Variants in SRPK2 observed in about 807,000 individuals in gnomAD.
SRPK2 encodes the protein SFRS protein kinase 2.
SRPK2 carries 21 observed loss-of-function variants against 90.8 expected under a neutral mutation model. That is an observed-to-expected ratio of 0.23 (90% CI 0.16 to 0.33). SRPK2 has a LOEUF of 0.33. Ranked by LOEUF, SRPK2 falls within the 10% of genes least tolerant of loss-of-function variation. The pLI is 1.00. For synonymous variants in SRPK2, 288 were observed against 311.1 expected (o/e 0.93, Z 0.78); for missense variants, 620 against 869.0 (o/e 0.71, Z 3.60).
intron 2 of SRPK2, among the ~76,000 whole-genome samples, chr7:105,387,653 T>C (rs1305944653): frequency 6.6e-6 from 1 of 152,212 alleles, no homozygotes. Flanking sequence ...TTCTGGATTT[T>C]ATTAAAGATA....
rs1233474434 is a variant in SRPK2 at position 105,146,497 on chromosome 7, A to C, written c.783T>G (p.Ser261=). 2 of 1,614,010 alleles carry C rather than the reference A, an allele frequency of 1.2e-6. No homozygotes were observed. Among genetic ancestry groups the C allele is most frequent in the African/African-American group, 2.7e-5 (2 of 74,948 alleles). ...AAGCTGGCTCAGCTCCCTCACCTGCAGACCCTGAAGGAGGAGGAGCACCTG... is the reference window on the plus strand; with the variant it reads ...AAGCTGGCTCAGCTCCCTCACCTGCCGACCCTGAAGGAGGAGGAGCACCTG... The part of the protein sequence containing the change: ...QKAGAPPPSG[S]AVSTAPQQKP... The change falls in exon 8 of 16, where the codon TCT becomes TCG. Residue 261 remains serine (S), a synonymous_variant. Transcript: ENST00000393651.
chr7:105,395,674 G>A (rs574783097), intron 1 of SRPK2, among the ~76,000 whole-genome samples: 1 of 152,082 alleles, frequency 6.6e-6, no homozygotes, highest in Admixed American at 6.6e-5. Context: ...AAGTTGCAGT[G>A]AGCCGAGATT....
intron 2 of SRPK2, among the ~76,000 whole-genome samples, chr7:105,248,553 T>G (rs1802035815): frequency 1.3e-5 from 2 of 151,738 alleles, no homozygotes; most frequent in African/African-American, 4.8e-5. Context: ...CAGTGAGCTA[T>G]GATCATACCA....
rs147430576 is a variant in SRPK2 at position 105,147,323 on chromosome 7, G to T, written c.622-665C>A. On this transcript the variant is annotated intron_variant, in intron 7 of 15. Transcript: ENST00000393651. Reference sequence around the variant, plus strand: ...ACTATTTATTTTTTAAATTTTTTATGTATTTATTTTTTGAGACAGAGTCTC... The same window carrying T: ...ACTATTTATTTTTTAAATTTTTTATTTATTTATTTTTTGAGACAGAGTCTC... Among the ~76,000 whole-genome samples, 468 of 152,064 alleles carry T rather than the reference G, an allele frequency of 3.1e-3. 14 individuals are homozygous for T. In the East Asian group the frequency reaches 0.062, roughly 20 times the overall value.
intron 2 of SRPK2, chr7:105,301,608 T>A: frequency 1.2e-6 from 2 of 1,607,640 alleles, no homozygotes; most frequent in African/African-American, 1.3e-5. Flanking sequence ...TAAGTTCAGT[T>A]TCTTTTCAAT....
chr7:105,351,330 T>G (rs1387455687), intron 2 of SRPK2, among the ~76,000 whole-genome samples: 1 of 151,878 alleles, frequency 6.6e-6, no homozygotes, highest in Non-Finnish European at 1.5e-5. Flanking sequence ...AATAAATTCC[T>G]TTTCTTTATA....
intron 14 of SRPK2, 47 bp downstream of exon 14, chr7:105,126,946 C>G (rs1490020668): frequency 2.5e-5 from 40 of 1,587,274 alleles, no homozygotes; most frequent in Non-Finnish European, 3.4e-5. Flanking sequence ...AAGTTCAGGG[C>G]TGGCAGAAGA....
chr7:105,374,698 C>T (rs971842226), intron 2 of SRPK2, among the ~76,000 whole-genome samples: 7 of 152,100 alleles, frequency 4.6e-5, no homozygotes, highest in African/African-American at 1.2e-4. Context: ...CTCCACCTCC[C>T]GGGTTCAAGC....
At chr7:105,157,741 A>G (rs1006691605) in intron 7 of SRPK2, among the ~76,000 whole-genome samples, 6 of 152,182 alleles carry the variant, frequency 3.9e-5, no homozygotes, top group African/African-American at 1.4e-4. Context: ...GCTCTTTCTA[A>G]GTTTCCACCA....
chr7:105,340,304 A>T (rs1815602700), intron 2 of SRPK2, among the ~76,000 whole-genome samples: 1 of 152,180 alleles, frequency 6.6e-6, no homozygotes, highest in African/African-American at 2.4e-5. Context: ...TTGTGAGCTA[A>T]AGCAGTCAAT....
At position 105,170,840 on chromosome 7, in the gene SRPK2, A is replaced by AAAGGAAGAAAGG. The variant is rs1299421769; in HGVS notation, c.230-1576_230-1575insCCTTTCTTCCTT. Reference sequence around the variant, plus strand: ...GGGAGAGAAAGAGAAAGAAAGGAAGAAAGAAAGAAAGAAAGAAAGAAAGAA... The same window carrying AAAGGAAGAAAGG: ...GGGAGAGAAAGAGAAAGAAAGGAAGAAAGGAAGAAAGGAAGAAAGAAAGAAAGAAAGAAAGAA... On this transcript the variant is annotated intron_variant, in intron 3 of 15. Coordinates refer to ENST00000393651, the MANE Select transcript of SRPK2 (RefSeq NM_182692.3). 1.7e-3 allele frequency among the ~76,000 whole-genome samples: 14 copies of AAAGGAAGAAAGG among 8,040 alleles called. 1 individual carries two copies. The highest frequency in any genetic ancestry group is 5.3e-3 in the African/African-American group (13 of 2,432). 5.3% of individuals were successfully genotyped at this position (8,040 alleles called of 152,430 possible). A position where few individuals can be genotyped will look rare whatever the true frequency, so the allele number is the denominator to read the frequency against.
At position 105,145,270 on chromosome 7, in the gene SRPK2, C is replaced by G. The variant is rs368217126; in HGVS notation, c.813+13G>C. The stretch of plus-strand genomic sequence containing the variant: ...AACATGGTGCATATAAAGTAATATG[C>G]GTAAGTACTTACAGGTTTCTGCTGT... On this transcript the variant is annotated intron_variant, in intron 9 of 15. Transcript: ENST00000393651. The G allele has an allele frequency of 8.8e-6, 14 of 1,584,066 alleles. No individual in the cohort carries two copies. The African/African-American group carries it at 1.8e-4, about 20-fold the overall frequency.
chr7:105,332,353 T>G (rs10228503), intron 2 of SRPK2, among the ~76,000 whole-genome samples: 2 of 152,112 alleles, frequency 1.3e-5, no homozygotes, highest in Admixed American at 1.3e-4. Flanking sequence ...CTCATAACTT[T>G]GGACTCAGAT....
chr7:105,197,775 T>A (rs779783697), intron 3 of SRPK2, among the ~76,000 whole-genome samples: 7 of 152,152 alleles, frequency 4.6e-5, no homozygotes, highest in Non-Finnish European at 7.3e-5. Flanking sequence ...ATAAATGCAT[T>A]TCTAAGGAAA....
chr7:105,355,654 A>G (rs1817698280), intron 2 of SRPK2, among the ~76,000 whole-genome samples: 1 of 152,168 alleles, frequency 6.6e-6, no homozygotes, highest in Non-Finnish European at 1.5e-5. Flanking sequence ...TCTCCAAGAA[A>G]AAAAAGTGAT....
At position 105,367,057 on chromosome 7, in the gene SRPK2, C is replaced by CT. The variant is rs149200074; in HGVS notation, c.71+21590dup. ...ATATGTAAGAAAAATATGAGATCAC[C>CT]TTTTTTTTTGTTTTTTTTTTTGTTT... On this transcript the variant is annotated intron_variant, in intron 2 of 15. Transcript: ENST00000393651. Among the ~76,000 whole-genome samples the CT allele has an allele frequency of 1.7e-3, 242 of 144,994 alleles. 1 individual carries two copies. Among genetic ancestry groups the CT allele is most frequent in the Middle Eastern group, 3.5e-3 (1 of 288 alleles).
At chr7:105,211,678 C>T (rs1240569861) in intron 2 of SRPK2, among the ~76,000 whole-genome samples, 1 of 152,142 alleles carries the variant, frequency 6.6e-6, no homozygotes, top group East Asian at 1.9e-4. Flanking sequence ...TCACCTCCCA[C>T]CAGGTACCAC....
chr7:105,338,264 T>C (rs1815343869), intron 2 of SRPK2, among the ~76,000 whole-genome samples: 1 of 152,134 alleles, frequency 6.6e-6, no homozygotes, highest in South Asian at 2.1e-4. Flanking sequence ...TTTTGTTTTT[T>C]GTTTTTGAGA....
chr7:105,184,796 T>TA, intron 3 of SRPK2, among the ~76,000 whole-genome samples: 1 of 152,354 alleles, frequency 6.6e-6, no homozygotes, highest in East Asian at 1.9e-4. Context: ...AAATACTTAA[T>TA]AACAATCTGG....
Sources: gnomAD v4.1 joint callset for allele counts (sites outside exome capture counted in the v4.1 genomes callset) on GRCh38, gnomAD v4.1.1 for gene constraint, MANE v1.5 for transcripts, NCBI Gene and HGNC (gene_info 2026-07-23, HGNC 2026-07-21) for gene names.